Variants in PNPLA1 observed in about 807,000 individuals in gnomAD.
PNPLA1 encodes omega-hydroxyceramide transacylase.
In PNPLA1, 36 loss-of-function variants were observed where a neutral mutation model predicts 51.7. The ratio of observed to expected loss-of-function variants is 0.70; its 90% CI spans 0.53 to 0.92. The LOEUF is 0.92. PNPLA1 is among the 40% of genes least tolerant of loss of function. The pLI, the probability that PNPLA1 is intolerant of heterozygous loss-of-function variation, is 0.00. For synonymous variants in PNPLA1, 293 were observed against 280.1 expected, an observed-to-expected ratio of 1.05 and a Z score of -0.46; for missense variants, 658 against 682.5, an observed-to-expected ratio of 0.96 and a Z score of 0.40.
At chr6:36,300,267 T>C (rs1049662177) in intron 5 of PNPLA1, among the ~76,000 whole-genome samples, 4 of 150,922 alleles carry the variant, frequency 2.7e-5, no homozygotes, top group African/African-American at 7.4e-5. Context: ...CAATCTTGGC[T>C]CACTGCAAGC....
chr6:36,301,894 T>A lies in PNPLA1; in HGVS notation c.809T>A (p.Val270Glu). 6.2e-7 allele frequency: 1 copy of A among 1,613,858 alleles called. No homozygotes were observed. The highest frequency in any genetic ancestry group is 1.3e-5 in the African/African-American group (1 of 74,942). Residue 270 changes from valine to glutamate, a missense_variant, in exon 6 of 9, where the codon GTG becomes GAG. Physicochemically the swap from Val to Glu is moderately radical, Grantham distance 121 (BLOSUM62 -2). Transcript: ENST00000636260. ...AVYLNSSSKR[V>E]IFPRVEVYCQ... Reference sequence around the variant, plus strand: ...TATCTTAATTCTTCCTCCAAGAGAGTGATTTTCCCCCGGGTGGAAGTGTAC... The same window carrying A: ...TATCTTAATTCTTCCTCCAAGAGAGAGATTTTCCCCCGGGTGGAAGTGTAC...
At chr6:36,254,432 C>T (rs1769485793) in intron 1 of PNPLA1, among the ~76,000 whole-genome samples, 1 of 152,014 alleles carries the variant, frequency 6.6e-6, no homozygotes, top group African/African-American at 2.4e-5. Flanking sequence ...AAATATTAGC[C>T]AGGCGTGGTG....
chr6:36,258,276 C>T (rs1051110133), intron 1 of PNPLA1, among the ~76,000 whole-genome samples: 1 of 152,216 alleles, frequency 6.6e-6, no homozygotes, highest in Admixed American at 6.5e-5. Context: ...GGATTTCCTT[C>T]CTCACTTTCC....
chr6:36,267,968 A>G (rs910505001), upstream of PNPLA1, among the ~76,000 whole-genome samples: 1 of 151,842 alleles, frequency 6.6e-6, no homozygotes, highest in Non-Finnish European at 1.5e-5. Context: ...TGCCCATCCA[A>G]CCAGTCCCTG....
At chr6:36,280,090 T>C (rs530521510) in intron 1 of PNPLA1, among the ~76,000 whole-genome samples, 57 of 152,232 alleles carry the variant, frequency 3.7e-4, no homozygotes, top group Admixed American at 3.4e-3. Flanking sequence ...CCTGTAGTCG[T>C]AGCTACTCGG....
intron 6 of PNPLA1, among the ~76,000 whole-genome samples, chr6:36,304,882 G>T (rs1417346994): frequency 6.6e-6 from 1 of 152,168 alleles, no homozygotes; most frequent in Non-Finnish European, 1.5e-5. Context: ...ATTTAGCAAT[G>T]TCTGCAGACA....
At chr6:36,265,408 T>C (rs1008687690), upstream of PNPLA1, among the ~76,000 whole-genome samples, 1 of 152,206 alleles carries the variant, frequency 6.6e-6, no homozygotes, top group African/African-American at 2.4e-5. Context: ...AAAAAAAATC[T>C]ACTTCTTGGC....
At position 36,288,443 on chromosome 6, in the gene PNPLA1, A is replaced by ATTTTTTTTT. The variant is rs34132369; in HGVS notation, c.206-2865_206-2857dup. On this transcript the variant is annotated intron_variant, in intron 1 of 8. Transcript: ENST00000636260. ...AACCTGGGCAACATAAGGAGACCCT[A>ATTTTTTTTT]TTTTTTTTTTTTTTTTTTTTGAGAC... Among the ~76,000 whole-genome samples, 20 of 125,770 alleles carry ATTTTTTTTT rather than the reference A, an allele frequency of 1.6e-4. No individual in the cohort carries two copies. The East Asian group carries it at 4.7e-3, about 30-fold the overall frequency. The allele number at this position is 125,770 out of a possible 152,430, so 82.5% of individuals were successfully genotyped here.
rs150380654 is a variant in PNPLA1 at position 36,283,004 on chromosome 6, T to A, written c.206-8316T>A. On this transcript the variant is annotated intron_variant, in intron 1 of 8. Coordinates refer to ENST00000636260, the MANE Select transcript of PNPLA1 (RefSeq NM_001374623.1). ...GACCTGATCTGTGTTTTTTTAAAAA[T>A]TTAATAATAAACTTTTTATTTTGGA... Among the ~76,000 whole-genome samples, 57 of 152,290 alleles carry A rather than the reference T, an allele frequency of 3.7e-4. No homozygotes were observed. In the East Asian group the frequency reaches 0.01, roughly 28 times the overall value.
chr6:36,280,792 A>ATTG (rs943683483), intron 1 of PNPLA1, among the ~76,000 whole-genome samples: 1 of 151,794 alleles, frequency 6.6e-6, no homozygotes, highest in Admixed American at 6.6e-5. Context: ...TTTCGTTGTT[A>ATTG]TTGTTGTTGT....
intron 1 of PNPLA1, among the ~76,000 whole-genome samples, chr6:36,276,115 C>A (rs536847093): frequency 1.3e-5 from 2 of 151,882 alleles, no homozygotes; most frequent in Non-Finnish European, 2.9e-5. Flanking sequence ...CCCACCACCA[C>A]GCCCAGCTAA....
rs117570065 is a variant in PNPLA1, at chr6:36,272,754, C to T, written c.205+2090C>T. Among the ~76,000 whole-genome samples the T allele has an allele frequency of 2.1e-3, 321 of 152,232 alleles. 8 individuals carry two copies. The East Asian group carries it at 0.057, about 27-fold the overall frequency. On this transcript the variant is annotated intron_variant, in intron 1 of 8. Coordinates refer to ENST00000636260, the MANE Select transcript of PNPLA1 (RefSeq NM_001374623.1). ...GTGAGGGAGAGGCTGCAGATAATAG[C>T]CCCCTCCCAGCCCAAGCAGGGTGCC...
At chr6:36,286,915 G>A (rs978340375) in intron 1 of PNPLA1, among the ~76,000 whole-genome samples, 7 of 151,878 alleles carry the variant, frequency 4.6e-5, no homozygotes, top group Non-Finnish European at 1.0e-4. Flanking sequence ...CAAACTCCCG[G>A]GCTCAAGCGA....
In PNPLA1 at chr6:36,270,352, G is replaced by T; in HGVS notation, c.-108G>T. ...ACAGCCACATTCCAAGCTCCGGGGT[G>T]GCAGGGAAGCTGGGTAGGGAGTTCC... On this transcript the variant is annotated 5_prime_UTR_variant, in exon 1 of 9. Transcript: ENST00000636260. 8.8e-7 allele frequency: 1 copy of T among 1,139,056 alleles called. No homozygotes were observed. Among genetic ancestry groups the T allele is most frequent in the South Asian group, 1.4e-5 (1 of 69,064 alleles). 70.6% of individuals were successfully genotyped at this position (1,139,056 alleles called of 1,614,324 possible). A position where few individuals can be genotyped will look rare whatever the true frequency, so the allele number is the denominator to read the frequency against.
Position 36,295,391 on chromosome 6 carries a change from T to A in PNPLA1, c.742T>A (p.Tyr248Asn). ...CCTGCACGATTACTACTACCGAGGG[T>A]ACGAGGATGCAGTTTTGTACTTGAG... ...VILHDYYYRGYEDAVLYLRRL... is the reference protein window; with the variant it reads ...VILHDYYYRGNEDAVLYLRRL... Residue 248 changes from tyrosine to asparagine, a missense_variant, in exon 5 of 9, where the codon TAC (tyrosine) becomes AAC (asparagine). Tyr to Asn is a moderately radical substitution (Grantham distance 143). Transcript: ENST00000636260. 6.2e-7 allele frequency: 1 copy of A among 1,614,094 alleles called. No homozygotes were observed. Among genetic ancestry groups the A allele is most frequent in the Non-Finnish European group, 8.5e-7 (1 of 1,180,022 alleles).
chr6:36,294,404 G>A lies in PNPLA1; in HGVS notation c.714+5G>A. ...TTGTTCCCCCCGGACCTGGTGGTGA[G>A]AGGCAGGAGGGGTCTGGGGAGTAGC... is the stretch of plus-strand genomic sequence containing the variant. On this transcript the variant is annotated splice_donor_5th_base_variant and intron_variant, in intron 4 of 8. Coordinates refer to ENST00000636260, the MANE Select transcript of PNPLA1 (RefSeq NM_001374623.1). The surrounding 1 kb of genome is among the most constrained non-coding windows in gnomAD (Gnocchi z 4.2). The A allele has an allele frequency of 1.2e-6, 2 of 1,613,112 alleles. No homozygotes were observed. Among genetic ancestry groups the A allele is most frequent in the Non-Finnish European group, 1.7e-6 (2 of 1,179,220 alleles).
At chr6:36,249,410 A>G (rs1425781356) in intron 1 of PNPLA1, among the ~76,000 whole-genome samples, 1 of 152,212 alleles carries the variant, frequency 6.6e-6, no homozygotes, top group Non-Finnish European at 1.5e-5. Context: ...ATACAGTTCT[A>G]TTTTTGACCG....
chr6:36,251,333 T>C (rs1769417616), intron 1 of PNPLA1, among the ~76,000 whole-genome samples: 1 of 151,998 alleles, frequency 6.6e-6, no homozygotes, highest in African/African-American at 2.4e-5. Context: ...CTGGGTTTGG[T>C]TTCTCTGCTT....
intron 1 of PNPLA1, among the ~76,000 whole-genome samples, chr6:36,280,328 G>A (rs992244821): frequency 2.6e-5 from 4 of 152,180 alleles, no homozygotes; most frequent in Non-Finnish European, 5.9e-5. Flanking sequence ...GTGTGGCCCC[G>A]GCAGTGGAAG....
Sources: gnomAD v4.1 joint callset for allele counts (sites outside exome capture counted in the v4.1 genomes callset) on GRCh38, gnomAD v4.1.1 for gene constraint, Gnocchi (gnomAD v3.1) non-coding constraint, MANE v1.5 for transcripts, NCBI Gene and HGNC (gene_info 2026-07-23, HGNC 2026-07-21) for gene names.